The following TNFRSF10B variants were observed in gnomAD, a reference collection of about 807,000 sequenced individuals.
TNFRSF10B encodes TNF receptor superfamily member 10b, also known as tumor necrosis factor receptor superfamily member 10B.
A neutral mutation model predicts 41.4 loss-of-function variants in TNFRSF10B; 35 were observed. That is an observed-to-expected ratio of 0.85 (90% confidence interval 0.65 to 1.12). The LOEUF is 1.12. TNFRSF10B is among the 50% of genes most tolerant of loss of function. The pLI is 0.00. For synonymous variants in TNFRSF10B, 230 were observed against 215.5 expected (o/e 1.07, Z -0.59); for missense variants, 584 against 552.7 (o/e 1.06, Z -0.57).
chr8:23,042,802 C>T (rs1812243839), intron 2 of TNFRSF10B: 1 of 221,248 alleles, frequency 4.5e-6, no homozygotes, highest in Non-Finnish European at 9.0e-6. Context: ...CCAGTGGAAC[C>T]CTCCTAGGAG....
rs1585203889 is a variant in TNFRSF10B, at chr8:23,022,753, G to C, written c.1241C>G (p.Ala414Gly). Residue 414 changes from alanine (A) to glycine (G), a missense_variant, in exon 9 of 9, where the codon GCC becomes GGC. Transcript: ENST00000276431. ...CAAGTGGTCCTCAATCTTCTGCTTG[G>C]CAAGTCTCTCTCCCAGCGTCTCCAA... The part of the protein sequence containing the change: ...DALETLGERL[A>G]KQKIEDHLLS... 1 of 1,613,874 alleles carries C rather than the reference G, an allele frequency of 6.2e-7. No homozygotes were observed. Among genetic ancestry groups the C allele is most frequent in the Non-Finnish European group, 8.5e-7 (1 of 1,179,976 alleles).
chr8:23,066,367 T>C (rs1191537414), intron 1 of TNFRSF10B, among the ~76,000 whole-genome samples: 1 of 152,106 alleles, frequency 6.6e-6, no homozygotes, highest in Admixed American at 6.6e-5. Context: ...TCAAAAAATA[T>C]ATATCTGATA....
At chr8:23,027,963 A>G (rs1329168264) in intron 5 of TNFRSF10B, 5 of 634,640 alleles carry the variant, frequency 7.9e-6, no homozygotes, top group Non-Finnish European at 1.4e-5. Context: ...CACTTGGAAA[A>G]TCTCTGGTTC....
chr8:23,057,500 T>A (rs2128819940), intron 1 of TNFRSF10B, among the ~76,000 whole-genome samples: 1 of 150,788 alleles, frequency 6.6e-6, no homozygotes. Flanking sequence ...TGGCATGATC[T>A]CGGCTCACTG....
intron 2 of TNFRSF10B, among the ~76,000 whole-genome samples, chr8:23,041,058 T>G (rs556134061): frequency 8.6e-4 from 66 of 76,654 alleles, no homozygotes; most frequent in South Asian, 8.7e-4. Context: ...TAATTTTTTT[T>G]TTGTTGTTTT....
At chr8:23,046,607 T>A (rs547611603) in intron 1 of TNFRSF10B, among the ~76,000 whole-genome samples, 7 of 108,496 alleles carry the variant, frequency 6.5e-5, no homozygotes, top group African/African-American at 3.2e-4. Context: ...AAAATTCATA[T>A]GCAACCATAA....
chr8:23,020,521 G>A lies in TNFRSF10B; in HGVS notation c.*2150C>T, dbSNP rs367773525. The stretch of plus-strand genomic sequence containing the variant: ...AGCCTGACCAACATGGTGAAACCCC[G>A]TCTCTACTAAAAATACAAAAATTAG... On this transcript the variant is annotated 3_prime_UTR_variant, in exon 9 of 9. Coordinates refer to ENST00000276431, the MANE Select transcript of TNFRSF10B (RefSeq NM_003842.5). 13 of 449,128 alleles carry A rather than the reference G, an allele frequency of 2.9e-5. No individual in the cohort carries two copies. Among genetic ancestry groups the A allele is most frequent in the African/African-American group, 8.0e-5 (4 of 49,698 alleles). The allele number at this position is 449,128 out of a possible 1,614,324, so 27.8% of individuals were successfully genotyped here.
intron 2 of TNFRSF10B, among the ~76,000 whole-genome samples, chr8:23,040,240 G>A (rs1456083436): frequency 1.4e-5 from 2 of 138,762 alleles, no homozygotes. Context: ...TATATACTAA[G>A]TATATATTTA....
At chr8:23,062,375 C>G (rs1055336461) in intron 1 of TNFRSF10B, among the ~76,000 whole-genome samples, 2 of 152,052 alleles carry the variant, frequency 1.3e-5, no homozygotes, top group South Asian at 2.1e-4. Context: ...TGTGCTCCCC[C>G]GGGCCAGGCT....
chr8:23,063,325 G>A (rs1473702387), intron 1 of TNFRSF10B, among the ~76,000 whole-genome samples: 2 of 148,220 alleles, frequency 1.3e-5, no homozygotes, highest in Non-Finnish European at 3.0e-5. Flanking sequence ...TCCAGCCTGG[G>A]CAGCAACAGT....
At position 23,023,029 on chromosome 8, in the gene TNFRSF10B, G is replaced by A. The variant is rs763349309; in HGVS notation, c.1010-45C>T. 1.8e-5 allele frequency: 28 copies of A among 1,597,834 alleles called. No individual in the cohort carries two copies. In the South Asian group the frequency reaches 3.0e-4, roughly 17 times the overall value. ...AGACAGCCAGGTGAGTTGGGACTCA[G>A]AAAGGGCAGAGGATTCCACATCAGG... On this transcript the variant is annotated intron_variant, in intron 8 of 8. Coordinates refer to ENST00000276431, the MANE Select transcript of TNFRSF10B (RefSeq NM_003842.5).
intron 1 of TNFRSF10B, among the ~76,000 whole-genome samples, chr8:23,061,773 C>T (rs1350777920): frequency 6.6e-6 from 1 of 152,306 alleles, no homozygotes; most frequent in Non-Finnish European, 1.5e-5. Context: ...GAGGCTTTCC[C>T]TGTATCAACT....
intron 1 of TNFRSF10B, 106 bp downstream of exon 1, chr8:23,068,645 C>T (rs1813073113): frequency 1.4e-6 from 2 of 1,473,302 alleles, no homozygotes; most frequent in African/African-American, 1.4e-5. Flanking sequence ...CATGCCCGGC[C>T]GCAGGCGACC....
intron 2 of TNFRSF10B, among the ~76,000 whole-genome samples, chr8:23,034,316 C>T (rs1274174298): frequency 6.6e-6 from 1 of 152,212 alleles, no homozygotes; most frequent in Non-Finnish European, 1.5e-5. Context: ...TAGACATACT[C>T]AGCAGCTGGC....
At chr8:23,030,910 C>T in intron 2 of TNFRSF10B, 38 bp from the exon 3 acceptor site, 1 of 1,462,680 alleles carries the variant, frequency 6.8e-7, no homozygotes, top group Non-Finnish European at 9.5e-7. Context: ...TGAAATGCCA[C>T]AGGATTCCCA....
intron 1 of TNFRSF10B, among the ~76,000 whole-genome samples, chr8:23,053,102 G>C (rs1240267526): frequency 6.6e-6 from 1 of 152,224 alleles, no homozygotes; most frequent in Non-Finnish European, 1.5e-5. Flanking sequence ...ATTTAAAGGT[G>C]ATTAGGCCTC....
intron 1 of TNFRSF10B, among the ~76,000 whole-genome samples, 164 bp from the exon 2 acceptor site, chr8:23,043,407 T>C (rs1812265165): frequency 2.0e-5 from 3 of 152,180 alleles, no homozygotes; most frequent in Admixed American, 6.5e-5. Flanking sequence ...TGTCCCTTCA[T>C]ATTTCAGGGA....
In TNFRSF10B at chr8:23,022,447, T is replaced by C. The variant is rs1330241997; in HGVS notation, c.*224A>G. The stretch of plus-strand genomic sequence containing the variant: ...ACGCACAAACGGAATGATCCAGACA[T>C]TTCCATAGTGTCCTTATTATCACAT... On this transcript the variant is annotated 3_prime_UTR_variant, in exon 9 of 9. Coordinates refer to ENST00000276431, the MANE Select transcript of TNFRSF10B (RefSeq NM_003842.5). The C allele has an allele frequency of 3.0e-6, 2 of 667,034 alleles. No individual in the cohort carries two copies. Among genetic ancestry groups the C allele is most frequent in the Non-Finnish European group, 5.5e-6 (2 of 365,268 alleles). 41.3% of individuals were successfully genotyped at this position (667,034 alleles called of 1,614,324 possible).
intron 2 of TNFRSF10B, 48 bp downstream of exon 2, chr8:23,043,090 G>A (rs765391518): frequency 6.5e-7 from 1 of 1,544,442 alleles, no homozygotes; most frequent in Non-Finnish European, 8.9e-7. Flanking sequence ...GAAGCTCATG[G>A]AGACAAGGGG....
Sources: gnomAD v4.1 joint callset for allele counts (sites outside exome capture counted in the v4.1 genomes callset) on GRCh38, gnomAD v4.1.1 for gene constraint, MANE v1.5 for transcripts, NCBI Gene and HGNC (gene_info 2026-07-23, HGNC 2026-07-21) for gene names.